Variants in ABHD2 observed in about 807,000 individuals in gnomAD.
The protein encoded by ABHD2 is abhydrolase domain containing 2, acylglycerol lipase, also known as monoacylglycerol lipase ABHD2.
A neutral mutation model predicts 48.1 loss-of-function variants in ABHD2; 20 were observed. The observed-to-expected ratio is 0.42, with a 90% CI of 0.29 to 0.60. The LOEUF (loss-of-function observed/expected upper bound fraction) is 0.60, where lower values mean the gene tolerates loss of function less well. ABHD2 is among the 20% of genes least tolerant of loss of function. The pLI is 0.24. For synonymous variants in ABHD2, 209 were observed against 214.2 expected (o/e 0.98, Z 0.21); for missense variants, 405 against 550.9 (o/e 0.74, Z 2.65).
intron 3 of ABHD2, among the ~76,000 whole-genome samples, chr15:89,117,574 T>C (rs552310359): frequency 6.6e-6 from 1 of 152,362 alleles, no homozygotes; most frequent in African/African-American, 2.4e-5. Context: ...TTTGTGCTTT[T>C]TCAAGCTTAC....
chr15:89,054,027 A>G, the ABHD2 span, among the ~76,000 whole-genome samples: 1 of 152,140 alleles, frequency 6.6e-6, no homozygotes, highest in African/African-American at 2.4e-5. Flanking sequence ...ACAAGCCAAA[A>G]CAAGAAAAGG....
rs1364450556 is a variant in ABHD2 at position 89,200,950 on chromosome 15, C to T, written c.*5527C>T. On this transcript the variant is annotated 3_prime_UTR_variant, in exon 11 of 11. Coordinates refer to ENST00000352732, the MANE Select transcript of ABHD2 (RefSeq NM_152924.5). Reference sequence around the variant, plus strand: ...TGCAAAAATTAGCTGGGTGTGGTGGCGGGCGCCTGTAATCCCAGCTACTCG... The same window carrying T: ...TGCAAAAATTAGCTGGGTGTGGTGGTGGGCGCCTGTAATCCCAGCTACTCG... 9 of 468,154 alleles carry T rather than the reference C, an allele frequency of 1.9e-5. No homozygotes were observed. Among genetic ancestry groups the T allele is most frequent in the African/African-American group, 4.1e-5 (2 of 49,082 alleles). 29.0% of individuals were successfully genotyped at this position (468,154 alleles called of 1,614,324 possible). A position where few individuals can be genotyped will look rare whatever the true frequency, so the allele number is the denominator to read the frequency against.
intron 4 of ABHD2, among the ~76,000 whole-genome samples, 159 bp downstream of exon 4, chr15:89,152,011 A>G (rs1220337673): frequency 6.6e-6 from 1 of 152,128 alleles, no homozygotes; most frequent in East Asian, 1.9e-4. Context: ...AGCAGCCTGC[A>G]AAGGTTAGCT....
Position 89,181,280 on chromosome 15 carries a change from T to C in ABHD2, c.723-4144T>C, listed in dbSNP as rs145542353. 5.1e-3 allele frequency among the ~76,000 whole-genome samples: 768 copies of C among 151,632 alleles called. 8 individuals are homozygous for C. Among genetic ancestry groups the C allele is most frequent in the African/African-American group, 0.018 (732 of 41,286 alleles). On this transcript the variant is annotated intron_variant, in intron 6 of 10. Coordinates refer to ENST00000352732, the MANE Select transcript of ABHD2 (RefSeq NM_152924.5). Reference sequence around the variant, plus strand: ...ATGGTAAATTTTATGTTATGTGTTTTTATCATAATTTTTTAAAAATATGAC... The same window carrying C: ...ATGGTAAATTTTATGTTATGTGTTTCTATCATAATTTTTTAAAAATATGAC...
intron 10 of ABHD2, among the ~76,000 whole-genome samples, chr15:89,193,760 G>A (rs1027724847): frequency 3.9e-5 from 6 of 152,060 alleles, no homozygotes; most frequent in African/African-American, 9.7e-5. Context: ...CAGGAGCCTG[G>A]GCAATATAGT....
intron 6 of ABHD2, among the ~76,000 whole-genome samples, chr15:89,180,410 A>C (rs780990601): frequency 6.6e-6 from 1 of 152,190 alleles, no homozygotes; most frequent in Non-Finnish European, 1.5e-5. Flanking sequence ...TCTAGTCTGA[A>C]GTCCATCTTT....
At position 89,104,401 on chromosome 15, in the gene ABHD2, T is replaced by C. The variant is rs1013382034; in HGVS notation, c.-106-9324T>C. On this transcript the variant is annotated intron_variant, in intron 1 of 10. Transcript: ENST00000352732. This position sits in a 1 kb window ranked among gnomAD's most constrained non-coding sequence, Gnocchi z 4.4. ...GGAGAGGGTCGTGGCCCATTGGTCA[T>C]TGGTCGGGTTTCCTCACAAATGCCT... is the stretch of plus-strand genomic sequence containing the variant. The C allele has an allele frequency of 6.6e-6, 1 of 152,130 alleles. No individual in the cohort carries two copies. Among genetic ancestry groups the C allele is most frequent in the Admixed American group, 6.5e-5 (1 of 15,286 alleles). 9.4% of individuals were successfully genotyped at this position (152,130 alleles called of 1,614,324 possible).
At chr15:89,194,233 C>T (rs577100246) in intron 10 of ABHD2, among the ~76,000 whole-genome samples, 1 of 152,208 alleles carries the variant, frequency 6.6e-6, no homozygotes, top group East Asian at 1.9e-4. Flanking sequence ...TGTGGTGGCT[C>T]ATGCCTATAA....
chr15:89,042,014 C>G, the ABHD2 span, among the ~76,000 whole-genome samples: 1 of 152,172 alleles, frequency 6.6e-6, no homozygotes, highest in Non-Finnish European at 1.5e-5. Flanking sequence ...TATCCATCAC[C>G]ATCACCATTA....
chr15:89,110,205 A>T (rs548628726), intron 1 of ABHD2, among the ~76,000 whole-genome samples: 1 of 152,182 alleles, frequency 6.6e-6, no homozygotes, highest in East Asian at 1.9e-4. Flanking sequence ...GATTACAGGC[A>T]CGTGCCACCA....
rs2050993605 is a variant in ABHD2 at position 89,175,254 on chromosome 15, T to TCACTCTGTCACCCA, written c.539-557_539-544dup. Among the ~76,000 whole-genome samples the TCACTCTGTCACCCA allele has an allele frequency of 6.6e-6, 1 of 152,214 alleles. No individual in the cohort carries two copies. The highest frequency in any genetic ancestry group is 1.5e-5 in the Non-Finnish European group (1 of 68,046). On this transcript the variant is annotated intron_variant, in intron 5 of 10. Transcript: ENST00000352732. This position sits in a 1 kb window ranked among gnomAD's most constrained non-coding sequence, Gnocchi z 5.7. The stretch of plus-strand genomic sequence containing the variant: ...TATTTTATTTTTTTGAGACAGGGTC[T>TCACTCTGTCACCCA]CACTCTGTCACCCAGGCTGGAGTGC...
In ABHD2 at chr15:89,192,253, C is replaced by A. The variant is rs76212371; in HGVS notation, c.997-982C>A. Among the ~76,000 whole-genome samples the A allele has an allele frequency of 5.2e-3, 797 of 152,246 alleles. 7 individuals are homozygous for A. The highest frequency in any genetic ancestry group is 0.019 in the African/African-American group (771 of 41,532). On this transcript the variant is annotated intron_variant, in intron 9 of 10. Transcript: ENST00000352732. ...TTAGCATCATCAGGCTTTTTGATGT[C>A]GTCATTTAAGCCATTGTAGGAATGT...
chr15:89,064,219 CTT>C, the ABHD2 span, among the ~76,000 whole-genome samples: 93 of 119,546 alleles, frequency 7.8e-4, no homozygotes, highest in South Asian at 1.1e-3. Flanking sequence ...ACATTGTGTC[CTT>C]TTTTTTTTTT....
intron 3 of ABHD2, among the ~76,000 whole-genome samples, chr15:89,135,002 A>G (rs550683680): frequency 1.3e-5 from 2 of 152,328 alleles, no homozygotes; most frequent in South Asian, 2.1e-4. Context: ...AAGATGTAGT[A>G]CAAATGCTGA....
chr15:89,184,224 T>C lies in ABHD2; in HGVS notation c.723-1200T>C, dbSNP rs1214689812. Among the ~76,000 whole-genome samples the C allele has an allele frequency of 6.6e-6, 1 of 152,188 alleles. No individual in the cohort carries two copies. Among genetic ancestry groups the C allele is most frequent in the Non-Finnish European group, 1.5e-5 (1 of 68,042 alleles). Reference sequence around the variant, plus strand: ...ACCACGACATTGTGGGAAATGTTTGTCACTCCAAAACTGTGGAATTTTGCC... The same window carrying C: ...ACCACGACATTGTGGGAAATGTTTGCCACTCCAAAACTGTGGAATTTTGCC... On this transcript the variant is annotated intron_variant, in intron 6 of 10. Transcript: ENST00000352732. This position sits in a 1 kb window ranked among gnomAD's most constrained non-coding sequence, Gnocchi z 5.1.
the ABHD2 span, among the ~76,000 whole-genome samples, chr15:89,054,640 A>G: frequency 0.04 from 6,061 of 152,162 alleles, 167 homozygotes; most frequent in Non-Finnish European, 0.065. Flanking sequence ...AGGTTGTGCC[A>G]CTGTACTCTA....
Position 89,158,651 on chromosome 15 carries a change from G to C in ABHD2, c.538+3117G>C, listed in dbSNP as rs76259943. 7.0e-3 allele frequency among the ~76,000 whole-genome samples: 1,069 copies of C among 152,224 alleles called. 4 individuals carry two copies. The highest frequency in any genetic ancestry group is 0.023 in the African/African-American group (962 of 41,522). The stretch of plus-strand genomic sequence containing the variant: ...ATTAAATGTGGGTTACTGAGGACTT[G>C]GTAGGCAGTTGATTACATATAGTAA... On this transcript the variant is annotated intron_variant, in intron 5 of 10. Transcript: ENST00000352732.
the ABHD2 span, among the ~76,000 whole-genome samples, chr15:89,048,293 T>C: frequency 6.6e-6 from 1 of 152,234 alleles, no homozygotes; most frequent in Non-Finnish European, 1.5e-5. Context: ...GGCTTCCCTT[T>C]GAGGGTAACC....
In ABHD2 at chr15:89,166,936, A is replaced by G. The variant is rs543420044; in HGVS notation, c.539-8876A>G. Among the ~76,000 whole-genome samples the G allele has an allele frequency of 6.6e-6, 1 of 152,204 alleles. No homozygotes were observed. The highest frequency in any genetic ancestry group is 2.1e-4 in the South Asian group (1 of 4,834). ...CCCATCTCCCTCCATCTAATTACAC[A>G]TTCCAATTGAGACACTTTTGAGAGT... On this transcript the variant is annotated intron_variant, in intron 5 of 10. Transcript: ENST00000352732. The surrounding 1 kb of genome is among the most constrained non-coding windows in gnomAD (Gnocchi z 4.6).
Sources: gnomAD v4.1 joint callset for allele counts (sites outside exome capture counted in the v4.1 genomes callset) on GRCh38, gnomAD v4.1.1 for gene constraint, Gnocchi (gnomAD v3.1) non-coding constraint, MANE v1.5 for transcripts, NCBI Gene and HGNC (gene_info 2026-07-23, HGNC 2026-07-21) for gene names.